Variants in CDON observed in about 807,000 individuals in gnomAD.
The protein encoded by CDON is cell adhesion molecule-related/down-regulated by oncogenes.
Under a neutral mutation model 120.9 loss-of-function variants are expected in CDON, and 73 were observed. That is an observed-to-expected ratio of 0.60 (90% CI 0.50 to 0.73). The LOEUF is 0.73. Ranked by LOEUF, CDON falls within the 30% of genes least tolerant of loss-of-function variation. CDON has a pLI of 0.00. For missense variants in CDON, 1,470 were observed against 1,587.3 expected, an observed-to-expected ratio of 0.93 and a Z score of 1.26; for synonymous variants, 566 against 573.5, an observed-to-expected ratio of 0.99 and a Z score of 0.19.
intron 7 of CDON, among the ~76,000 whole-genome samples, chr11:126,011,555 G>C (rs1249291705): frequency 6.6e-6 from 1 of 152,098 alleles, no homozygotes; most frequent in Non-Finnish European, 1.5e-5. Flanking sequence ...GCCTTTGTCA[G>C]TTTTTCTATT....
intron 18 of CDON, among the ~76,000 whole-genome samples, chr11:125,965,767 G>A (rs992648641): frequency 1.3e-5 from 2 of 152,178 alleles, no homozygotes; most frequent in African/African-American, 4.8e-5. Context: ...GCCTGCCAAA[G>A]GCAGAAGTAA....
At chr11:125,984,791 T>C (rs1458651499) in intron 15 of CDON, among the ~76,000 whole-genome samples, 1 of 152,078 alleles carries the variant, frequency 6.6e-6, no homozygotes, top group African/African-American at 2.4e-5. Flanking sequence ...CAGGATTACA[T>C]ATTTTATGCT....
chr11:125,984,063 G>A lies in CDON; in HGVS notation c.2804C>T (p.Pro935Leu), dbSNP rs886609844. Residue 935 changes from proline (P) to leucine (L), a missense_variant, in exon 16 of 20, where the codon CCT becomes CTT. Coordinates refer to ENST00000531738, the MANE Select transcript of CDON (RefSeq NM_001378964.1). The part of the protein sequence containing the change: ...VKRVPGASEY[P>L]VKDLSTPPNS... ...TGGAGGGGTACTCAAGTCTTTGACAGGATATTCAGAAGCTCCAGGAACACG... is the reference window on the plus strand; with the variant it reads ...TGGAGGGGTACTCAAGTCTTTGACAAGATATTCAGAAGCTCCAGGAACACG... 1.2e-5 allele frequency: 19 copies of A among 1,613,628 alleles called. No individual in the cohort carries two copies. The highest frequency in any genetic ancestry group is 1.5e-5 in the Non-Finnish European group (18 of 1,179,552).
At chr11:125,974,435 C>A (rs1003123185) in intron 18 of CDON, among the ~76,000 whole-genome samples, 3 of 107,300 alleles carry the variant, frequency 2.8e-5, no homozygotes, top group Non-Finnish European at 3.8e-5. Context: ...GGAGGGAATT[C>A]TTTTTTTCTT....
chr11:125,981,005 C>T (rs777368244), intron 17 of CDON, 44 bp downstream of exon 17: 4 of 1,604,114 alleles, frequency 2.5e-6, no homozygotes, highest in Non-Finnish European at 3.4e-6. Context: ...GTACTTGGCA[C>T]CCTGAGGGAC....
chr11:125,971,503 G>A (rs1249256477), intron 18 of CDON, among the ~76,000 whole-genome samples: 1 of 152,154 alleles, frequency 6.6e-6, no homozygotes, highest in Non-Finnish European at 1.5e-5. Context: ...TGGTGAAAGA[G>A]CATTCCCAAA....
chr11:126,047,521 A>C (rs892610632), intron 1 of CDON, among the ~76,000 whole-genome samples: 1 of 152,206 alleles, frequency 6.6e-6, no homozygotes, highest in Non-Finnish European at 1.5e-5. Flanking sequence ...ACATTTTGTC[A>C]ATAAAAGCAC....
intron 4 of CDON, 122 bp from the exon 5 acceptor site, chr11:126,018,595 G>GACAGAA: frequency 1.2e-6 from 1 of 830,228 alleles, no homozygotes; most frequent in Non-Finnish European, 2.0e-6. Context: ...AGAGATGGGG[G>GACAGAA]TCTCATTCTG....
intron 14 of CDON, among the ~76,000 whole-genome samples, chr11:125,991,164 A>T (rs1946623508): frequency 6.6e-6 from 1 of 152,236 alleles, no homozygotes; most frequent in South Asian, 2.1e-4. Context: ...GAAGAGAAAA[A>T]TAGTTAAAAT....
intron 18 of CDON, among the ~76,000 whole-genome samples, chr11:125,974,811 A>G (rs1319533322): frequency 6.6e-6 from 1 of 151,970 alleles, no homozygotes; most frequent in Non-Finnish European, 1.5e-5. Flanking sequence ...CAAATTTATC[A>G]CCTTTTTATG....
chr11:126,046,333 G>A (rs1948406474), intron 1 of CDON, among the ~76,000 whole-genome samples: 1 of 152,108 alleles, frequency 6.6e-6, no homozygotes, highest in East Asian at 1.9e-4. Flanking sequence ...GTATCGTAAA[G>A]TCCAGGCATT....
intron 15 of CDON, among the ~76,000 whole-genome samples, chr11:125,984,960 T>C (rs561912175): frequency 8.5e-5 from 13 of 152,158 alleles, no homozygotes; most frequent in Non-Finnish European, 1.9e-4. Context: ...TTCATCGGTG[T>C]TCTGGGTAAT....
chr11:126,005,533 T>C, intron 9 of CDON: 1 of 582,406 alleles, frequency 1.7e-6, no homozygotes, highest in East Asian at 3.0e-5. Context: ...TGTAAAGACA[T>C]CATTGGGTTC....
intron 1 of CDON, among the ~76,000 whole-genome samples, chr11:126,035,958 G>A (rs1948083643): frequency 6.6e-6 from 1 of 152,150 alleles, no homozygotes; most frequent in Non-Finnish European, 1.5e-5. Flanking sequence ...GGCCACACAT[G>A]CACGAAGCGG....
chr11:126,048,245 T>C (rs932548504), intron 1 of CDON, among the ~76,000 whole-genome samples: 4 of 145,524 alleles, frequency 2.7e-5, no homozygotes, highest in African/African-American at 1.0e-4. Flanking sequence ...ATCGCACCAC[T>C]GCACTCCAGC....
rs1432115030 is a variant in CDON at position 125,961,121 on chromosome 11, G to A, written c.3632-16C>T. 1.2e-6 allele frequency: 2 copies of A among 1,612,248 alleles called. No individual in the cohort carries two copies. The highest frequency in any genetic ancestry group is 2.2e-5 in the East Asian group (1 of 44,862). ...CAGCTGTCTCCTGAAACACAGCAGGGTTTGGGAGCATTATCAAATGATAAA... is the reference window on the plus strand; with the variant it reads ...CAGCTGTCTCCTGAAACACAGCAGGATTTGGGAGCATTATCAAATGATAAA... On this transcript the variant is annotated splice_polypyrimidine_tract_variant and intron_variant, in intron 19 of 19. Transcript: ENST00000531738.
intron 1 of CDON, among the ~76,000 whole-genome samples, chr11:126,059,641 CAT>C (rs1190678515): frequency 1.3e-5 from 2 of 152,126 alleles, no homozygotes; most frequent in Non-Finnish European, 2.9e-5. Context: ...CAAGAGATCT[CAT>C]AGCCCCCGCT....
intron 8 of CDON, among the ~76,000 whole-genome samples, chr11:126,007,180 G>T (rs528638): frequency 0.54 from 81,530 of 151,932 alleles, 22,074 homozygotes; most frequent in Admixed American, 0.56. Flanking sequence ...CTACTTTTAT[G>T]TCCAAAATGA....
At chr11:125,993,911 A>G (rs1460759849) in intron 14 of CDON, among the ~76,000 whole-genome samples, 1 of 152,264 alleles carries the variant, frequency 6.6e-6, no homozygotes, top group Non-Finnish European at 1.5e-5. Context: ...TTAAGACATC[A>G]TCTTTCTAGG....
Sources: allele counts gnomAD v4.1 joint callset (sites outside exome capture counted in the v4.1 genomes callset), GRCh38; gene constraint gnomAD v4.1.1; transcripts MANE v1.5; gene names NCBI Gene and HGNC (gene_info 2026-07-23, HGNC 2026-07-21).